NEBL: variants seen among roughly 807,000 people sequenced by gnomAD.
NEBL encodes the protein nebulette.
A neutral mutation model predicts 140.2 loss-of-function variants in NEBL; 122 were observed. The ratio of observed to expected loss-of-function variants is 0.87; its 90% CI spans 0.75 to 1.01. The LOEUF (loss-of-function observed/expected upper bound fraction) is 1.01, where lower values mean the gene tolerates loss of function less well. Ranked by LOEUF, NEBL falls within the 50% of genes least tolerant of loss-of-function variation. The pLI, the probability that NEBL is intolerant of heterozygous loss-of-function variation, is 0.00. For missense variants in NEBL, 1,365 were observed against 1,231.3 expected (o/e 1.11, Z -1.62); for synonymous variants, 436 against 398.9 (o/e 1.09, Z -1.11).
At chr10:20,882,128 C>T (rs775264682) in intron 4 of NEBL, among the ~76,000 whole-genome samples, 7 of 150,108 alleles carry the variant, frequency 4.7e-5, no homozygotes, top group Non-Finnish European at 8.9e-5. Flanking sequence ...CAGTGAGCCA[C>T]GGCATTCTAT....
At chr10:21,102,561 C>T (rs1331526439) in intron 2 of NEBL, among the ~76,000 whole-genome samples, 1 of 152,206 alleles carries the variant, frequency 6.6e-6, no homozygotes, top group African/African-American at 2.4e-5. Context: ...TCCTTTCACT[C>T]ACTTTGAGTT....
At chr10:20,816,126 T>C (rs977610018) in intron 21 of NEBL, among the ~76,000 whole-genome samples, 1 of 152,180 alleles carries the variant, frequency 6.6e-6, no homozygotes, top group South Asian at 2.1e-4. Flanking sequence ...ACAAAAAATA[T>C]TTTCAGAGGT....
Position 20,840,759 on chromosome 10 carries a change from C to T in NEBL, c.1318G>A (p.Ala440Thr), listed in dbSNP as rs770945563. 12 of 1,610,774 alleles carry T rather than the reference C, an allele frequency of 7.4e-6. No individual in the cohort carries two copies. The highest frequency in any genetic ancestry group is 1.0e-5 in the Non-Finnish European group (12 of 1,177,444). Residue 440 changes from alanine to threonine, a missense_variant, in exon 13 of 28, where the codon GCC becomes ACC. By Grantham distance (58) the Ala-to-Thr change is moderately conservative. Around this residue, in one of 2 missense-constraint regions of NEBL, gnomAD observed 1,323 missense variants for 1,154.8 expected, o/e 1.15. Coordinates refer to ENST00000377122, the MANE Select transcript of NEBL (RefSeq NM_006393.3). ...CTCACCTCACTTGCCATTTCAGAGG[C>T]TCGCTTTGCTCTTTGGATATCAAGA... is the stretch of plus-strand genomic sequence containing the variant. ...EVLDIQRAKR[A>T]SEMASEKEYK...
intron 3 of NEBL, among the ~76,000 whole-genome samples, chr10:21,182,226 C>G (rs994831808): frequency 1.3e-5 from 2 of 151,250 alleles, no homozygotes; most frequent in Non-Finnish European, 2.9e-5. Flanking sequence ...AATCCCAGCA[C>G]TTTAGAAAGC....
At chr10:20,855,949 A>T (rs2131108244) in intron 9 of NEBL, among the ~76,000 whole-genome samples, 2 of 152,334 alleles carry the variant, frequency 1.3e-5, no homozygotes, top group Middle Eastern at 3.4e-3. Context: ...AATTTTTTAC[A>T]TTAAAATGTT....
chr10:21,288,818 G>GTATATATATATATCTATA (rs757155594), intron 1 of NEBL, among the ~76,000 whole-genome samples: 1 of 32,668 alleles, frequency 3.1e-5, no homozygotes, highest in African/African-American at 1.1e-4. Context: ...ACGTGTGTGT[G>GTATATATATATATCTATA]TGTATATATA....
At position 20,858,274 on chromosome 10, in the gene NEBL, T is replaced by C. The variant is rs766622534; in HGVS notation, c.869A>G (p.Asp290Gly). ...VSDLPNLLFL[D>G]HVLKASKMLS... ...CATTTTGCTGGCTTTCAAAACATGG[T>C]CTAAAAACAACAAATTTGGGAGATC... The change falls in exon 9 of 28, where the codon GAC becomes GGC. Residue 290 changes from aspartate (D) to glycine (G), a missense_variant. By Grantham distance (94) the Asp-to-Gly change is moderately conservative. Coordinates refer to ENST00000377122, the MANE Select transcript of NEBL (RefSeq NM_006393.3). 24 of 1,611,386 alleles carry C rather than the reference T, an allele frequency of 1.5e-5. No homozygotes were observed. The highest frequency in any genetic ancestry group is 1.4e-5 in the Non-Finnish European group (17 of 1,177,620).
intron 2 of NEBL, among the ~76,000 whole-genome samples, chr10:21,034,410 A>T (rs1833933027): frequency 6.6e-6 from 1 of 152,142 alleles, no homozygotes; most frequent in African/African-American, 2.4e-5. Flanking sequence ...AGACATTACT[A>T]ATCACACCAC....
chr10:21,020,532 C>T (rs1223234557), intron 2 of NEBL, among the ~76,000 whole-genome samples: 1 of 152,154 alleles, frequency 6.6e-6, no homozygotes, highest in Non-Finnish European at 1.5e-5. Flanking sequence ...ATCCATCCTC[C>T]AACCAAACTT....
At chr10:20,826,233 T>C (rs1167659012) in intron 18 of NEBL, among the ~76,000 whole-genome samples, 3 of 152,184 alleles carry the variant, frequency 2.0e-5, no homozygotes, top group Admixed American at 1.3e-4. Flanking sequence ...TTCTTCATTG[T>C]GATATATCAA....
At chr10:21,252,653 C>T (rs760284179) in intron 1 of NEBL, among the ~76,000 whole-genome samples, 100 of 152,198 alleles carry the variant, frequency 6.6e-4, no homozygotes, top group Non-Finnish European at 1.2e-3. Flanking sequence ...AATATCTTGC[C>T]TATAAAAATG....
At chr10:21,046,891 C>A (rs1303093599) in intron 2 of NEBL, among the ~76,000 whole-genome samples, 1 of 152,132 alleles carries the variant, frequency 6.6e-6, no homozygotes, top group South Asian at 2.1e-4. Flanking sequence ...CATGAGCCAC[C>A]GCGCCCGGCC....
intron 4 of NEBL, among the ~76,000 whole-genome samples, chr10:20,911,226 C>T (rs1014731258): frequency 3.2e-4 from 48 of 152,094 alleles, no homozygotes; most frequent in African/African-American, 1.2e-3. Context: ...GTCCTTTACA[C>T]ATCTTATCTC....
In NEBL at chr10:21,218,677, G is replaced by T. The variant is rs111831902; in HGVS notation, n.348+29244C>A. On this transcript the variant is annotated intron_variant and non_coding_transcript_variant, in intron 3 of 8. Transcript: ENST00000675702. The stretch of plus-strand genomic sequence containing the variant: ...AAAGACAGATTAAACAGGAGAAATG[G>T]AATACACAATTTATCGATATCTACA... Among the ~76,000 whole-genome samples the T allele has an allele frequency of 1.3e-4, 20 of 152,178 alleles. 1 individual carries two copies. Among genetic ancestry groups the T allele is most frequent in the African/African-American group, 4.3e-4 (18 of 41,514 alleles).
intron 1 of NEBL, among the ~76,000 whole-genome samples, chr10:21,278,445 A>G (rs939949909): frequency 1.3e-5 from 2 of 152,158 alleles, no homozygotes; most frequent in South Asian, 2.1e-4. Flanking sequence ...CCCTCACTCT[A>G]AAAAATGAAA....
intron 2 of NEBL, among the ~76,000 whole-genome samples, chr10:21,140,838 G>T (rs904418598): frequency 6.6e-6 from 1 of 151,908 alleles, no homozygotes; most frequent in Non-Finnish European, 1.5e-5. Context: ...AATATCTAAC[G>T]CATGCATGGC....
intron 7 of NEBL, among the ~76,000 whole-genome samples, chr10:20,863,724 G>A (rs1843969073): frequency 6.6e-6 from 1 of 152,172 alleles, no homozygotes; most frequent in South Asian, 2.1e-4. Context: ...AAAGGCATAT[G>A]AGCCCTGTCT....
intron 3 of NEBL, among the ~76,000 whole-genome samples, chr10:21,213,198 G>A (rs1385753663): frequency 6.6e-6 from 1 of 152,184 alleles, no homozygotes; most frequent in Non-Finnish European, 1.5e-5. Context: ...CTCAAAGAAT[G>A]CAGAAAAAGA....
At chr10:20,892,908 C>T (rs1847147274) in intron 2 of NEBL, among the ~76,000 whole-genome samples, 1 of 152,192 alleles carries the variant, frequency 6.6e-6, no homozygotes, top group African/African-American at 2.4e-5. Context: ...AACAATGGCT[C>T]CATCATTATT....
Sources: gnomAD v4.1 joint callset for allele counts (sites outside exome capture counted in the v4.1 genomes callset) on GRCh38, gnomAD v4.1.1 for gene constraint, gnomAD v4.1.1 regional missense constraint, MANE v1.5 for transcripts, NCBI Gene and HGNC (gene_info 2026-07-23, HGNC 2026-07-21) for gene names.